The following ARAP2 variants were observed in gnomAD, a reference collection of about 807,000 sequenced individuals.
The protein encoded by ARAP2 is arf-GAP with Rho-GAP domain, ANK repeat and PH domain-containing protein 2.
ARAP2 carries 148 observed loss-of-function variants against 194.5 expected under a neutral mutation model. The observed-to-expected ratio is 0.76, with a 90% confidence interval of 0.67 to 0.87. The LOEUF is 0.87. ARAP2 is among the 40% of genes least tolerant of loss of function. The pLI, the probability that ARAP2 is intolerant of heterozygous loss-of-function variation, is 0.00. For missense variants in ARAP2, 2,128 were observed against 1,989.7 expected, an observed-to-expected ratio of 1.07 and a Z score of -1.32; for synonymous variants, 695 against 683.5, an observed-to-expected ratio of 1.02 and a Z score of -0.26.
Position 36,121,341 on chromosome 4 carries a change from C to T in ARAP2, c.3747-15G>A. 1.3e-6 allele frequency: 2 copies of T among 1,568,150 alleles called. No homozygotes were observed. Among genetic ancestry groups the T allele is most frequent in the Non-Finnish European group, 1.7e-6 (2 of 1,156,654 alleles). ...ATTTCTGAACCCTGTCAGAGAAAAG[C>T]ATAGTTTATTATGATACACTTTTAT... On this transcript the variant is annotated splice_polypyrimidine_tract_variant and intron_variant, in intron 22 of 32. Transcript: ENST00000303965.
chr4:36,013,056 C>T (rs1014065687), intron 8 of ARAP2, among the ~76,000 whole-genome samples: 1 of 152,106 alleles, frequency 6.6e-6, no homozygotes, highest in African/African-American at 2.4e-5. Flanking sequence ...GAGTATGTTA[C>T]ATATTGAATA....
chr4:36,161,353 TATC>T, intron 12 of ARAP2, 109 bp downstream of exon 12: 4 of 770,050 alleles, frequency 5.2e-6, no homozygotes, highest in Non-Finnish European at 8.8e-6. Flanking sequence ...GTGAGAACTT[TATC>T]AAACAGCCCC....
chr4:36,240,162 A>G (rs1396703534), intron 1 of ARAP2, among the ~76,000 whole-genome samples: 4 of 152,360 alleles, frequency 2.6e-5, no homozygotes, highest in Admixed American at 2.6e-4. Context: ...TTTAAGATAT[A>G]TAAGAATACC....
In ARAP2 at chr4:36,134,280, T is replaced by C. The variant is rs535895807; in HGVS notation, c.3264-891A>G. On this transcript the variant is annotated intron_variant, in intron 19 of 32. Coordinates refer to ENST00000303965, the MANE Select transcript of ARAP2 (RefSeq NM_015230.4). ...TGTGCAATAAGCATATCAAAGCTTT[T>C]GCTCTCCCATACCAAGCTTCTGGCA... Among the ~76,000 whole-genome samples the C allele has an allele frequency of 4.0e-5, 6 of 151,882 alleles. No individual in the cohort carries two copies. The East Asian group carries it at 9.7e-4, about 25-fold the overall frequency.
chr4:36,051,744 A>G (rs1032137374), intron 3 of ARAP2, among the ~76,000 whole-genome samples: 8 of 152,178 alleles, frequency 5.3e-5, no homozygotes, highest in Non-Finnish European at 1.0e-4. Context: ...AAATTAGTGA[A>G]TATTTATAAA....
chr4:36,159,495 G>A lies in ARAP2; in HGVS notation c.2453C>T (p.Ala818Val). The A allele has an allele frequency of 1.3e-6, 2 of 1,564,224 alleles. No individual in the cohort carries two copies. Among genetic ancestry groups the A allele is most frequent in the East Asian group, 2.3e-5 (1 of 42,786 alleles). Residue 818 changes from alanine to valine, a missense_variant, in exon 14 of 33, where the codon GCT becomes GTT. Coordinates refer to ENST00000303965, the MANE Select transcript of ARAP2 (RefSeq NM_015230.4). ...TAGAACATCCGGTTTCACTACAGCAGCACATAGAGCCTGGTCATTAAAAGA... is the reference window on the plus strand; with the variant it reads ...TAGAACATCCGGTTTCACTACAGCAACACATAGAGCCTGGTCATTAAAAGA... ...TKEELNKALCAAVVKPDVLET... is the reference protein window; with the variant it reads ...TKEELNKALCVAVVKPDVLET...
rs773931186 is a variant in ARAP2, at chr4:36,080,091, G to A, written c.4608+125C>T. ...AAAAACTAAGAATGAGAGAATCAAA[G>A]TTTATGCCAATTGTACATACATTTA... On this transcript the variant is annotated intron_variant, in intron 31 of 32. Coordinates refer to ENST00000303965, the MANE Select transcript of ARAP2 (RefSeq NM_015230.4). The A allele has an allele frequency of 4.3e-6, 3 of 696,710 alleles. No individual in the cohort carries two copies. The African/African-American group carries it at 5.5e-5, about 13-fold the overall frequency. The allele number at this position is 696,710 out of a possible 1,614,324, so 43.2% of individuals were successfully genotyped here.
At chr4:36,027,560 C>T (rs964997627) in intron 5 of ARAP2, among the ~76,000 whole-genome samples, 3 of 151,802 alleles carry the variant, frequency 2.0e-5, no homozygotes, top group Admixed American at 1.3e-4. Flanking sequence ...TACTACTACA[C>T]CTAGGGAAAA....
intron 31 of ARAP2, among the ~76,000 whole-genome samples, chr4:36,078,019 C>T (rs1728642446): frequency 6.6e-6 from 1 of 152,112 alleles, no homozygotes; most frequent in African/African-American, 2.4e-5. Flanking sequence ...CAGTCACATG[C>T]TCTCCTTACC....
chr4:36,175,992 G>A (rs1737823511), intron 9 of ARAP2, among the ~76,000 whole-genome samples: 1 of 152,102 alleles, frequency 6.6e-6, no homozygotes, highest in Non-Finnish European at 1.5e-5. Context: ...GGTATACAAT[G>A]TTTATTGAAA....
At position 36,095,260 on chromosome 4, in the gene ARAP2, A is replaced by G. The variant is rs1714845721; in HGVS notation, c.4286-3240T>C. Among the ~76,000 whole-genome samples the G allele has an allele frequency of 3.9e-5, 6 of 152,212 alleles. No individual in the cohort carries two copies. In the South Asian group the frequency reaches 1.2e-3, roughly 32 times the overall value. ...ATGCATGCCCTAAATTTTCCACTTA[A>G]ATTGTTATAATGATTCATCTTTTTC... On this transcript the variant is annotated intron_variant, in intron 27 of 32. Coordinates refer to ENST00000303965, the MANE Select transcript of ARAP2 (RefSeq NM_015230.4).
chr4:36,176,306 A>G (rs1737907171), intron 9 of ARAP2, among the ~76,000 whole-genome samples: 2 of 152,204 alleles, frequency 1.3e-5, no homozygotes, highest in Admixed American at 6.5e-5. Flanking sequence ...TGTACCTGGT[A>G]CTCAGCAAAC....
At chr4:36,162,679 T>G (rs1272727174) in intron 11 of ARAP2, among the ~76,000 whole-genome samples, 1 of 151,436 alleles carries the variant, frequency 6.6e-6, no homozygotes, top group Non-Finnish European at 1.5e-5. Flanking sequence ...CTGCATAGGT[T>G]TGCATTTATA....
chr4:36,108,709 A>C (rs1390514094), intron 26 of ARAP2, among the ~76,000 whole-genome samples: 1 of 152,034 alleles, frequency 6.6e-6, no homozygotes, highest in African/African-American at 2.4e-5. Context: ...ATTACAATCA[A>C]AGTCTCACAG....
chr4:36,176,279 T>G (rs914287614), intron 9 of ARAP2, among the ~76,000 whole-genome samples: 8 of 152,228 alleles, frequency 5.3e-5, no homozygotes, highest in Admixed American at 1.3e-4. Flanking sequence ...TGGTGAAGAT[T>G]AAAAGGAAAT....
At chr4:36,024,048 T>A (rs1417534828) in intron 5 of ARAP2, among the ~76,000 whole-genome samples, 1 of 152,090 alleles carries the variant, frequency 6.6e-6, no homozygotes, top group African/African-American at 2.4e-5. Context: ...TAGGGTTGGG[T>A]GAACCTTAAA....
chr4:36,108,027 C>CATT (rs1211070769), intron 26 of ARAP2, among the ~76,000 whole-genome samples: 132 of 151,540 alleles, frequency 8.7e-4, no homozygotes, highest in African/African-American at 2.0e-3. Context: ...TTGTACAATA[C>CATT]ATTATTATTA....
chr4:36,215,512 A>C (rs971003249), intron 2 of ARAP2, among the ~76,000 whole-genome samples: 5 of 152,206 alleles, frequency 3.3e-5, no homozygotes, highest in African/African-American at 1.2e-4. Flanking sequence ...GAGAAAAATC[A>C]TTGTAACATC....
Position 36,147,339 on chromosome 4 carries a change from T to G in ARAP2, c.3220A>C (p.Asn1074His), listed in dbSNP as rs1373397053. Residue 1074 changes from asparagine to histidine, a missense_variant, in exon 19 of 33, where the codon AAT becomes CAT. Physicochemically the swap from Asn to His is moderately conservative, Grantham distance 68. Coordinates refer to ENST00000303965, the MANE Select transcript of ARAP2 (RefSeq NM_015230.4). ...AGTAAAACATCCAGTTTTTCCCCAT[T>G]TTGAACCATTGTGCTGATTGCTGAA... The part of the protein sequence containing the change: ...QELTISTMVQ[N>H]GEKLDVLLLV... 3 of 1,612,954 alleles carry G rather than the reference T, an allele frequency of 1.9e-6. No homozygotes were observed. The highest frequency in any genetic ancestry group is 2.5e-6 in the Non-Finnish European group (3 of 1,179,316).
Sources: allele counts gnomAD v4.1 joint callset (sites outside exome capture counted in the v4.1 genomes callset), GRCh38; gene constraint gnomAD v4.1.1; transcripts MANE v1.5; gene names NCBI Gene and HGNC (gene_info 2026-07-23, HGNC 2026-07-21).